JARID2: variants seen among roughly 807,000 people sequenced by gnomAD.
The protein encoded by JARID2 is protein Jumonji.
JARID2 carries 21 observed loss-of-function variants against 125.6 expected under a neutral mutation model. The observed-to-expected ratio is 0.17, with a 90% confidence interval of 0.12 to 0.24. The LOEUF (loss-of-function observed/expected upper bound fraction) is 0.24. Ranked by LOEUF, JARID2 falls within the 10% of genes least tolerant of loss-of-function variation. The pLI is 1.00. For missense variants in JARID2, 1,303 were observed against 1,639.6 expected (o/e 0.79, Z 3.55); for synonymous variants, 736 against 661.6 (o/e 1.11, Z -1.73).
At chr6:15,436,879 G>T (rs1450514314) in intron 3 of JARID2, among the ~76,000 whole-genome samples, 1 of 151,930 alleles carries the variant, frequency 6.6e-6, no homozygotes, top group Non-Finnish European at 1.5e-5. Context: ...GTTCAGTTCA[G>T]GGGAGAATGA....
chr6:15,267,563 A>C (rs1378508936), intron 1 of JARID2, among the ~76,000 whole-genome samples: 1 of 152,166 alleles, frequency 6.6e-6, no homozygotes, highest in African/African-American at 2.4e-5. Flanking sequence ...GGAATGGAGT[A>C]AGCTGGTTCT....
intron 7 of JARID2, among the ~76,000 whole-genome samples, chr6:15,499,464 A>G (rs1770624260): frequency 6.6e-6 from 1 of 152,164 alleles, no homozygotes; most frequent in Non-Finnish European, 1.5e-5. Flanking sequence ...ATCTACTTAG[A>G]GTGAAATATG....
At chr6:15,512,117 C>G in intron 13 of JARID2, 91 bp from the exon 14 acceptor site, 1 of 1,029,222 alleles carries the variant, frequency 9.7e-7, no homozygotes, top group South Asian at 1.6e-5. Context: ...TCCTTGAGAG[C>G]AGGCCTCTTA....
At chr6:15,349,490 G>C (rs183849696) in intron 1 of JARID2, among the ~76,000 whole-genome samples, 12 of 152,314 alleles carry the variant, frequency 7.9e-5, no homozygotes, top group Non-Finnish European at 1.6e-4. Context: ...GTTCAGTCTG[G>C]AGGAACAGTA....
intron 3 of JARID2, among the ~76,000 whole-genome samples, chr6:15,446,756 A>T (rs1014611029): frequency 6.6e-6 from 1 of 152,204 alleles, no homozygotes; most frequent in Admixed American, 6.5e-5. Flanking sequence ...TTTGGTTATG[A>T]ATGAGGGACC....
At chr6:15,292,425 A>G (rs533912492) in intron 1 of JARID2, among the ~76,000 whole-genome samples, 3 of 152,306 alleles carry the variant, frequency 2.0e-5, no homozygotes, top group Admixed American at 6.5e-5. Context: ...TTCTTTAACT[A>G]TTACACAATG....
chr6:15,346,725 T>C (rs1333213765), intron 1 of JARID2, among the ~76,000 whole-genome samples: 1 of 150,618 alleles, frequency 6.6e-6, no homozygotes, highest in Non-Finnish European at 1.5e-5. Context: ...GTTATTCCTA[T>C]TGAAGTAATT....
intron 1 of JARID2, among the ~76,000 whole-genome samples, chr6:15,305,165 A>G (rs549052362): frequency 9.2e-5 from 14 of 152,270 alleles, no homozygotes; most frequent in Non-Finnish European, 2.1e-4. Context: ...TCCATCTTTT[A>G]AATCTTGGCC....
At chr6:15,472,656 G>T (rs956647798) in intron 5 of JARID2, among the ~76,000 whole-genome samples, 2 of 152,152 alleles carry the variant, frequency 1.3e-5, no homozygotes, top group Admixed American at 1.3e-4. Flanking sequence ...TGAACTTCAG[G>T]GGAAGTTTGG....
rs565656307 is a variant in JARID2, at chr6:15,512,724, C to T, written c.3136-191C>T. Among the ~76,000 whole-genome samples the T allele has an allele frequency of 5.6e-4, 85 of 152,054 alleles. 2 individuals carry two copies. The South Asian group carries it at 0.017, about 30-fold the overall frequency. On this transcript the variant is annotated intron_variant, in intron 14 of 17. Coordinates refer to ENST00000341776, the MANE Select transcript of JARID2 (RefSeq NM_004973.4). ...AGTGGCAGCTGCCTCTGGGTAGCGGCGAAGTGCTATGACTTTTCCTGGTAT... is the reference window on the plus strand; with the variant it reads ...AGTGGCAGCTGCCTCTGGGTAGCGGTGAAGTGCTATGACTTTTCCTGGTAT...
chr6:15,309,658 CAT>C (rs1481406040), intron 1 of JARID2, among the ~76,000 whole-genome samples: 1 of 151,482 alleles, frequency 6.6e-6, no homozygotes, highest in Non-Finnish European at 1.5e-5. Context: ...ATAAAGCATA[CAT>C]ATATAAACGT....
At chr6:15,475,230 A>G (rs1769283182) in intron 5 of JARID2, among the ~76,000 whole-genome samples, 1 of 152,252 alleles carries the variant, frequency 6.6e-6, no homozygotes, top group Non-Finnish European at 1.5e-5. Flanking sequence ...GACATAATAT[A>G]AAATGAAACA....
At position 15,481,913 on chromosome 6, in the gene JARID2, C is replaced by T. The variant is rs546406217; in HGVS notation, c.671-5394C>T. Among the ~76,000 whole-genome samples the T allele has an allele frequency of 6.6e-5, 10 of 152,310 alleles. No individual in the cohort carries two copies. The South Asian group carries it at 2.1e-3, about 32-fold the overall frequency. ...TTATGGTTCACTATGTTAATTTCAC[C>T]TGCCTCCCTCTCGTCTCCGTTTCCC... On this transcript the variant is annotated intron_variant, in intron 5 of 17. Coordinates refer to ENST00000341776, the MANE Select transcript of JARID2 (RefSeq NM_004973.4).
intron 2 of JARID2, among the ~76,000 whole-genome samples, chr6:15,379,369 T>C (rs563153567): frequency 6.6e-6 from 1 of 152,278 alleles, no homozygotes; most frequent in East Asian, 1.9e-4. Context: ...ATGTAATAAA[T>C]TGACAAAAGC....
intron 1 of JARID2, among the ~76,000 whole-genome samples, chr6:15,313,546 T>C (rs1292047915): frequency 6.6e-6 from 1 of 152,234 alleles, no homozygotes; most frequent in Non-Finnish European, 1.5e-5. Context: ...CCAGGGTTGC[T>C]GTTCACATCT....
chr6:15,292,784 A>T (rs564954199), intron 1 of JARID2, among the ~76,000 whole-genome samples: 6 of 152,300 alleles, frequency 3.9e-5, no homozygotes, highest in Admixed American at 3.3e-4. Context: ...CGTCCACTTC[A>T]GCATCCTGAG....
At chr6:15,440,680 A>C (rs1767406702) in intron 3 of JARID2, among the ~76,000 whole-genome samples, 1 of 152,214 alleles carries the variant, frequency 6.6e-6, no homozygotes, top group East Asian at 1.9e-4. Flanking sequence ...CTGTTACTAC[A>C]GCCAGTGACA....
At chr6:15,445,979 C>G (rs552223650) in intron 3 of JARID2, among the ~76,000 whole-genome samples, 2 of 152,138 alleles carry the variant, frequency 1.3e-5, no homozygotes, top group Non-Finnish European at 2.9e-5. Flanking sequence ...GGGATGGCTA[C>G]TAACTTTACC....
intron 15 of JARID2, 23 bp from the exon 16 acceptor site, chr6:15,513,216 G>A (rs746165521): frequency 5.8e-5 from 90 of 1,552,830 alleles, no homozygotes; most frequent in Non-Finnish European, 7.4e-5. Context: ...CTAAAGGTGC[G>A]GGCCGTCTCC....
Sources: allele counts gnomAD v4.1 joint callset (sites outside exome capture counted in the v4.1 genomes callset), GRCh38; gene constraint gnomAD v4.1.1; transcripts MANE v1.5; gene names NCBI Gene and HGNC (gene_info 2026-07-23, HGNC 2026-07-21).